The following DENND2C variants were observed in gnomAD, a reference collection of about 807,000 sequenced individuals.
The protein encoded by DENND2C is DENN domain-containing protein 2C.
DENND2C carries 72 observed loss-of-function variants against 112.4 expected under a neutral mutation model. The ratio of observed to expected loss-of-function variants is 0.64; its 90% CI spans 0.53 to 0.78. The LOEUF is 0.78. Among genes scored for constraint, DENND2C ranks in the 30% least tolerant of loss-of-function variants. The pLI is 0.00. For synonymous variants in DENND2C, 329 were observed against 381.6 expected (o/e 0.86, Z 1.61); for missense variants, 992 against 1,113.8 (o/e 0.89, Z 1.56).
chr1:114,667,056 A>G (rs890132908), intron 1 of DENND2C, among the ~76,000 whole-genome samples: 3 of 152,192 alleles, frequency 2.0e-5, no homozygotes, highest in African/African-American at 7.2e-5. Flanking sequence ...ACAATGGACT[A>G]CAACACATTC....
At chr1:114,654,933 GA>G (rs775377873) in intron 1 of DENND2C, among the ~76,000 whole-genome samples, 172 bp from the exon 2 acceptor site, 28 of 152,120 alleles carry the variant, frequency 1.8e-4, no homozygotes, top group Non-Finnish European at 3.5e-4. Flanking sequence ...AAGCAAAAAG[GA>G]AAAACGCTCT....
chr1:114,623,114 T>C lies in DENND2C; in HGVS notation c.944-15A>G. On this transcript the variant is annotated splice_polypyrimidine_tract_variant and intron_variant, in intron 5 of 20. Transcript: ENST00000393274. ...TTTGGTGGGATCTTAAAAAATAATT[T>C]AAAAAAATGTTTACATGAACATAAT... 1.3e-6 allele frequency: 2 copies of C among 1,587,090 alleles called. No individual in the cohort carries two copies. Among genetic ancestry groups the C allele is most frequent in the South Asian group, 1.2e-5 (1 of 86,340 alleles).
chr1:114,600,167 C>T, intron 15 of DENND2C, 37 bp downstream of exon 15: 1 of 1,575,344 alleles, frequency 6.3e-7, no homozygotes, highest in Non-Finnish European at 8.6e-7. Context: ...ACAAATAAAA[C>T]ACCAGTGTGA....
At chr1:114,629,867 G>C (rs563327313) in intron 3 of DENND2C, among the ~76,000 whole-genome samples, 1 of 152,268 alleles carries the variant, frequency 6.6e-6, no homozygotes, top group African/African-American at 2.4e-5. Context: ...GTCTTGGATA[G>C]GGCAAGTTTC....
At chr1:114,595,760 A>T in intron 17 of DENND2C, 72 bp downstream of exon 17, 1 of 1,368,054 alleles carries the variant, frequency 7.3e-7, no homozygotes, top group Non-Finnish European at 1.0e-6. Context: ...GTACTTTCAC[A>T]TATTGTCTGT....
intron 2 of DENND2C, among the ~76,000 whole-genome samples, chr1:114,654,198 T>C (rs1046611638): frequency 6.6e-6 from 1 of 152,144 alleles, no homozygotes; most frequent in Admixed American, 6.5e-5. Context: ...TTTGGGAGGC[T>C]GAGGTGGGTG....
At chr1:114,604,881 C>A (rs756615374) in intron 11 of DENND2C, 41 bp downstream of exon 11, 4 of 1,372,164 alleles carry the variant, frequency 2.9e-6, no homozygotes, top group Non-Finnish European at 2.1e-6. Flanking sequence ...TTTATTTTTG[C>A]AGGTCTAATG....
Position 114,599,367 on chromosome 1 carries a change from T to C in DENND2C, c.2190A>G (p.Ala730=). Residue 730 remains alanine (A), a synonymous_variant, in exon 16 of 21, where the codon GCA becomes GCG. Coordinates refer to ENST00000393274, the MANE Select transcript of DENND2C (RefSeq NM_001256404.2). The part of the protein sequence containing the change: ...WQHTYIPVLP[A]SMIDIVCSPT... ...GTGAGCACACGATGTCAATCATAGA[T>C]GCTGGCAGGACTGGGATATAGGTAT... The C allele has an allele frequency of 6.2e-7, 1 of 1,614,054 alleles. No individual in the cohort carries two copies. Among genetic ancestry groups the C allele is most frequent in the South Asian group, 1.1e-5 (1 of 91,080 alleles).
intron 14 of DENND2C, 50 bp downstream of exon 14, chr1:114,600,769 TA>T: frequency 6.3e-7 from 1 of 1,586,774 alleles, no homozygotes; most frequent in Non-Finnish European, 8.6e-7. Context: ...CCTACTAGTG[TA>T]AGTCCTGCTT....
chr1:114,590,368 T>C (rs1159524230), intron 18 of DENND2C, among the ~76,000 whole-genome samples: 2 of 151,530 alleles, frequency 1.3e-5, no homozygotes, highest in African/African-American at 4.9e-5. Context: ...TCCAGCCTGG[T>C]TGACAGAATG....
chr1:114,666,964 T>G (rs931712832), intron 1 of DENND2C, among the ~76,000 whole-genome samples: 1 of 152,176 alleles, frequency 6.6e-6, no homozygotes, highest in African/African-American at 2.4e-5. Flanking sequence ...AAGGAAGCTT[T>G]GCAATTTTAT....
chr1:114,589,886 C>T (rs1340996823), intron 18 of DENND2C, among the ~76,000 whole-genome samples: 1 of 152,128 alleles, frequency 6.6e-6, no homozygotes, highest in Non-Finnish European at 1.5e-5. Context: ...TTGAAGTTTC[C>T]TATGCGACTC....
intron 1 of DENND2C, among the ~76,000 whole-genome samples, chr1:114,662,577 T>C (rs955771150): frequency 2.6e-5 from 4 of 152,076 alleles, no homozygotes; most frequent in East Asian, 1.9e-4. Flanking sequence ...TGGATTAATA[T>C]TGCCAGAACT....
intron 2 of DENND2C, among the ~76,000 whole-genome samples, chr1:114,653,587 G>C (rs1348331040): frequency 6.6e-6 from 1 of 152,066 alleles, no homozygotes; most frequent in Non-Finnish European, 1.5e-5. Context: ...ACTTGGGGTA[G>C]GGAAACAAGT....
chr1:114,668,038 T>G (rs1020195526), intron 1 of DENND2C, among the ~76,000 whole-genome samples: 2 of 152,206 alleles, frequency 1.3e-5, no homozygotes, highest in African/African-American at 4.8e-5. Context: ...AGTACTTATT[T>G]TAGCCCACTT....
chr1:114,613,315 G>A (rs970361288), intron 8 of DENND2C, among the ~76,000 whole-genome samples: 1 of 152,132 alleles, frequency 6.6e-6, no homozygotes, highest in Non-Finnish European at 1.5e-5. Context: ...ATGTATTTGC[G>A]TGCACATGAA....
intron 11 of DENND2C, among the ~76,000 whole-genome samples, chr1:114,603,491 A>T (rs1655576599): frequency 6.6e-6 from 1 of 151,026 alleles, no homozygotes; most frequent in African/African-American, 2.4e-5. Flanking sequence ...TTTTCTGAAG[A>T]CATATTTATT....
chr1:114,655,209 G>A (rs1269604972), intron 1 of DENND2C, among the ~76,000 whole-genome samples: 1 of 152,130 alleles, frequency 6.6e-6, no homozygotes, highest in African/African-American at 2.4e-5. Flanking sequence ...ATGGTTAAAT[G>A]GCAGAGCATA....
chr1:114,626,755 C>A (rs1656355515), intron 3 of DENND2C, among the ~76,000 whole-genome samples: 1 of 151,878 alleles, frequency 6.6e-6, no homozygotes, highest in South Asian at 2.1e-4. Flanking sequence ...TCAAGCAATC[C>A]ACCCCCTTGG....
Sources: allele counts gnomAD v4.1 joint callset (sites outside exome capture counted in the v4.1 genomes callset), GRCh38; gene constraint gnomAD v4.1.1; transcripts MANE v1.5; gene names NCBI Gene and HGNC (gene_info 2026-07-23, HGNC 2026-07-21).